WRN: variants seen among roughly 807,000 people sequenced by gnomAD.
WRN encodes the protein bifunctional 3'-5' exonuclease/ATP-dependent helicase WRN.
In WRN, 149 loss-of-function variants were observed where a neutral mutation model predicts 180.7. That is an observed-to-expected ratio of 0.82 (90% confidence interval 0.72 to 0.94). The LOEUF (loss-of-function observed/expected upper bound fraction) is 0.94. Ranked by LOEUF, WRN falls within the 40% of genes least tolerant of loss-of-function variation. The probability of loss-of-function intolerance (pLI) is 0.00; values close to 1 mark genes in which losing one functional copy is unlikely to be tolerated. For missense variants in WRN, 1,661 were observed against 1,700.1 expected (o/e 0.98, Z 0.40); for synonymous variants, 548 against 568.9 (o/e 0.96, Z 0.52).
intron 19 of WRN, among the ~76,000 whole-genome samples, chr8:31,116,094 G>A (rs562358884): frequency 6.6e-6 from 1 of 152,068 alleles, no homozygotes; most frequent in Non-Finnish European, 1.5e-5. Flanking sequence ...AAATAAATTT[G>A]TTTCTGGTTT....
At chr8:31,107,624 TC>T (rs1801147749) in intron 18 of WRN, among the ~76,000 whole-genome samples, 1 of 152,200 alleles carries the variant, frequency 6.6e-6, no homozygotes, top group African/African-American at 2.4e-5. Flanking sequence ...TTCTCACTGT[TC>T]TTGGTGCTTT....
intron 17 of WRN, among the ~76,000 whole-genome samples, chr8:31,098,930 A>C (rs1814099060): frequency 6.6e-6 from 1 of 152,168 alleles, no homozygotes; most frequent in African/African-American, 2.4e-5. Flanking sequence ...TAACCTATTT[A>C]ATTTAAAATC....
At chr8:31,104,053 G>A (rs565758839) in intron 18 of WRN, among the ~76,000 whole-genome samples, 9 of 152,224 alleles carry the variant, frequency 5.9e-5, no homozygotes, top group African/African-American at 1.9e-4. Flanking sequence ...TCTTTAATGG[G>A]TGAATGGTTA....
chr8:31,041,875 G>C (rs973136174), intron 1 of WRN, among the ~76,000 whole-genome samples: 2 of 152,234 alleles, frequency 1.3e-5, no homozygotes, highest in African/African-American at 2.4e-5. Flanking sequence ...TACAGGCACA[G>C]AGTAGGTCAA....
chr8:31,135,801 C>CTCTCTTCTCTTCTCTTCTCTTCTCTCT (rs59676141), intron 24 of WRN, among the ~76,000 whole-genome samples: 1 of 150,970 alleles, frequency 6.6e-6, no homozygotes, highest in African/African-American at 2.4e-5. Flanking sequence ...GTCTTTTCTT[C>CTCTCTTCTCTTCTCTTCTCTTCTCTCT]TCTCTTCTCT....
chr8:31,156,905 G>A (rs796846526), intron 32 of WRN, among the ~76,000 whole-genome samples: 10 of 152,156 alleles, frequency 6.6e-5, no homozygotes, highest in Non-Finnish European at 1.3e-4. Context: ...TTTATAGAAT[G>A]CATCTGGAGC....
intron 8 of WRN, among the ~76,000 whole-genome samples, chr8:31,080,596 A>G (rs1813262722): frequency 6.6e-6 from 1 of 151,958 alleles, no homozygotes. Flanking sequence ...CAAAAAACAT[A>G]TAGTTGACAT....
In WRN at chr8:31,058,188, A is replaced by G. The variant is rs546672249; in HGVS notation, c.-76-184A>G. Among the ~76,000 whole-genome samples, 12 of 152,354 alleles carry G rather than the reference A, an allele frequency of 7.9e-5. No individual in the cohort carries two copies. In the East Asian group the frequency reaches 2.3e-3, roughly 29 times the overall value. ...GAAACTACCAGAATTATACAAGTCA[A>G]TTAAAATGACTGATTTGTTTTAAGA... On this transcript the variant is annotated intron_variant, in intron 1 of 34. Transcript: ENST00000298139.
intron 1 of WRN, among the ~76,000 whole-genome samples, chr8:31,057,412 A>G (rs1461497591): frequency 1.3e-5 from 2 of 151,980 alleles, no homozygotes; most frequent in East Asian, 1.9e-4. Context: ...CTACTAAAAC[A>G]TGCAAAAAAT....
chr8:31,092,223 A>G (rs1813775689), intron 16 of WRN, among the ~76,000 whole-genome samples: 1 of 152,134 alleles, frequency 6.6e-6, no homozygotes, highest in Non-Finnish European at 1.5e-5. Flanking sequence ...TCATAGAATT[A>G]TAAAAATTTT....
chr8:31,077,892 A>G (rs893831623), intron 8 of WRN, among the ~76,000 whole-genome samples: 3 of 152,184 alleles, frequency 2.0e-5, no homozygotes, highest in Non-Finnish European at 4.4e-5. Flanking sequence ...GGAAAATGTG[A>G]CATTGTTTTT....
chr8:31,120,719 T>C (rs370299578), intron 21 of WRN, among the ~76,000 whole-genome samples: 1 of 151,928 alleles, frequency 6.6e-6, no homozygotes. Context: ...ATGGAATACT[T>C]TCCTACCATT....
chr8:31,092,853 CTCTTTTGTGTAAG>C (rs1464326634), intron 16 of WRN, among the ~76,000 whole-genome samples: 1 of 152,124 alleles, frequency 6.6e-6, no homozygotes, highest in Non-Finnish European at 1.5e-5. Flanking sequence ...ACAATATTAA[CTCTTTTGTGTAAG>C]ACTTCTTTCA....
intron 1 of WRN, among the ~76,000 whole-genome samples, chr8:31,055,864 C>T (rs1812253053): frequency 6.6e-6 from 1 of 152,146 alleles, no homozygotes; most frequent in African/African-American, 2.4e-5. Flanking sequence ...ATAACCTTTA[C>T]CTCGTCAGGA....
At chr8:31,100,136 A>G (rs1242368920) in intron 17 of WRN, among the ~76,000 whole-genome samples, 1 of 152,210 alleles carries the variant, frequency 6.6e-6, no homozygotes, top group South Asian at 2.1e-4. Flanking sequence ...TACTACTGTG[A>G]AAAATCTGAA....
chr8:31,042,679 T>G (rs1449204464), intron 1 of WRN, among the ~76,000 whole-genome samples: 2 of 152,200 alleles, frequency 1.3e-5, no homozygotes, highest in African/African-American at 4.8e-5. Flanking sequence ...AGTTTTACCT[T>G]TTGGGGTTAG....
chr8:31,038,056 A>C (rs562155577), intron 1 of WRN, among the ~76,000 whole-genome samples: 3 of 152,040 alleles, frequency 2.0e-5, no homozygotes, highest in African/African-American at 7.2e-5. Flanking sequence ...TGTTATTAAC[A>C]TTGGTGTACA....
intron 1 of WRN, among the ~76,000 whole-genome samples, chr8:31,040,821 G>GT (rs200831998): frequency 4.0e-5 from 6 of 151,562 alleles, no homozygotes; most frequent in Admixed American, 2.6e-4. Flanking sequence ...CAAAAGTTGA[G>GT]TTTTTTTTTC....
chr8:31,103,259 A>G lies in WRN; in HGVS notation c.2088+2304A>G, dbSNP rs118008887. Among the ~76,000 whole-genome samples, 1,014 of 152,328 alleles carry G rather than the reference A, an allele frequency of 6.7e-3. 8 individuals are homozygous for G. Among genetic ancestry groups the G allele is most frequent in the Non-Finnish European group, 9.4e-3 (639 of 68,022 alleles). On this transcript the variant is annotated intron_variant, in intron 18 of 34. Transcript: ENST00000298139. The stretch of plus-strand genomic sequence containing the variant: ...TAAAAAATGAATACGTAGGAGGAGT[A>G]TACTCTAAAATAATGGAAAAGGGTA...
Sources: allele counts gnomAD v4.1 joint callset (sites outside exome capture counted in the v4.1 genomes callset), GRCh38; gene constraint gnomAD v4.1.1; transcripts MANE v1.5; gene names NCBI Gene and HGNC (gene_info 2026-07-23, HGNC 2026-07-21).